CFAP58: variants seen among roughly 807,000 people sequenced by gnomAD.
CFAP58 encodes the protein cilia- and flagella-associated protein 58.
In CFAP58, 88 loss-of-function variants were observed where a neutral mutation model predicts 119.5. That is an observed-to-expected ratio of 0.74 (90% CI 0.62 to 0.88). CFAP58 has a LOEUF of 0.88. CFAP58 is among the 40% of genes least tolerant of loss of function. The pLI is 0.00. For missense variants in CFAP58, 990 were observed against 1,021.2 expected (o/e 0.97, Z 0.42); for synonymous variants, 365 against 366.3 (o/e 1.00, Z 0.04).
intron 2 of CFAP58, among the ~76,000 whole-genome samples, chr10:104,360,441 AGAGCAG>A (rs1230069776): frequency 6.6e-6 from 1 of 151,448 alleles, no homozygotes; most frequent in Non-Finnish European, 1.5e-5. Context: ...CACATGGGCC[AGAGCAG>A]GAGCAAGAGG....
chr10:104,357,890 A>AC (rs1564875816), intron 1 of CFAP58, among the ~76,000 whole-genome samples: 3 of 132,452 alleles, frequency 2.3e-5, no homozygotes, highest in South Asian at 2.3e-4. Context: ...CACATATATA[A>AC]ACATATATGT....
intron 8 of CFAP58, 106 bp from the exon 9 acceptor site, chr10:104,379,922 CA>C: frequency 1.0e-6 from 1 of 974,844 alleles, no homozygotes; most frequent in South Asian, 1.7e-5. Context: ...TTTATTCATC[CA>C]AAAGACAAGA....
chr10:104,377,082 G>A, intron 8 of CFAP58, among the ~76,000 whole-genome samples, 189 bp downstream of exon 8: 1 of 152,196 alleles, frequency 6.6e-6, no homozygotes, highest in South Asian at 2.1e-4. Context: ...AATTGCAATT[G>A]CGTTATCACC....
At chr10:104,362,670 T>C (rs1002512888) in intron 3 of CFAP58, among the ~76,000 whole-genome samples, 1 of 152,230 alleles carries the variant, frequency 6.6e-6, no homozygotes, top group Non-Finnish European at 1.5e-5. Context: ...CCAGTGCTAC[T>C]GCCTTGGTTC....
At chr10:104,348,068 G>T in the CFAP58 span, among the ~76,000 whole-genome samples, 1,686 of 152,258 alleles carry the variant, frequency 0.011, 57 homozygotes, top group African/African-American at 0.039. Flanking sequence ...TGTGGGTCAG[G>T]TCTCCACCTT....
At chr10:104,426,291 C>T (rs2012743671) in intron 15 of CFAP58, among the ~76,000 whole-genome samples, 1 of 152,142 alleles carries the variant, frequency 6.6e-6, no homozygotes, top group Admixed American at 6.6e-5. Flanking sequence ...AATTGAATCC[C>T]TGTGAAGGTC....
chr10:104,405,646 A>C (rs1242694766), intron 14 of CFAP58, among the ~76,000 whole-genome samples: 1 of 152,230 alleles, frequency 6.6e-6, no homozygotes, highest in Non-Finnish European at 1.5e-5. Context: ...GTGGATTGAT[A>C]ATTCCATTTC....
chr10:104,439,704 T>TAACAACAACAACAACAACAACAAC (rs60040374), intron 15 of CFAP58, among the ~76,000 whole-genome samples: 133 of 151,292 alleles, frequency 8.8e-4, no homozygotes, highest in East Asian at 2.9e-3. Flanking sequence ...GACTCTGTCT[T>TAACAACAACAACAACAACAACAAC]AACAACAACA....
intron 11 of CFAP58, among the ~76,000 whole-genome samples, chr10:104,396,369 TGA>T (rs57210958): frequency 6.8e-4 from 59 of 86,834 alleles, no homozygotes; most frequent in East Asian, 2.5e-3. Context: ...CTGTTATCCA[TGA>T]GAGAGAGAGA....
intron 15 of CFAP58, among the ~76,000 whole-genome samples, chr10:104,411,643 A>AT (rs55884742): frequency 0.01 from 1,548 of 151,648 alleles, 7 homozygotes; most frequent in Non-Finnish European, 0.017. Context: ...GCTTAGAATA[A>AT]TTTTTTTTTA....
chr10:104,361,117 A>G (rs2014660502), intron 2 of CFAP58, among the ~76,000 whole-genome samples: 1 of 152,238 alleles, frequency 6.6e-6, no homozygotes, highest in African/African-American at 2.4e-5. Flanking sequence ...AGATTTGGGC[A>G]GGGACATACA....
Position 104,365,943 on chromosome 10 carries a change from C to A in CFAP58, c.727C>A (p.Gln243Lys). 1 of 1,613,398 alleles carries A rather than the reference C, an allele frequency of 6.2e-7. No homozygotes were observed. Among genetic ancestry groups the A allele is most frequent in the Non-Finnish European group, 8.5e-7 (1 of 1,179,666 alleles). The change falls in exon 5 of 18, where the codon CAG (glutamine) becomes AAG (lysine). Residue 243 changes from glutamine to lysine, a missense_variant. Physicochemically the swap from Gln to Lys is moderately conservative, Grantham distance 53. Transcript: ENST00000369704. ...DSRQTEIKAL[Q>K]QYVQKSKEEL... ...CAGGCAGACAGAAATAAAAGCCCTG[C>A]AGCAGTATGTGCAGAAGAGCAAGGA...
intron 15 of CFAP58, among the ~76,000 whole-genome samples, chr10:104,428,132 G>A (rs1349727488): frequency 6.6e-6 from 1 of 152,190 alleles, no homozygotes; most frequent in East Asian, 1.9e-4. Context: ...GTCTGATTTT[G>A]CAATGTAACT....
At chr10:104,387,418 C>T (rs912107182) in intron 9 of CFAP58, among the ~76,000 whole-genome samples, 1 of 152,188 alleles carries the variant, frequency 6.6e-6, no homozygotes, top group Admixed American at 6.6e-5. Context: ...TGTCTCTCTA[C>T]TTGTCTGATA....
At chr10:104,428,178 A>C (rs559301318) in intron 15 of CFAP58, among the ~76,000 whole-genome samples, 7 of 152,264 alleles carry the variant, frequency 4.6e-5, no homozygotes, top group African/African-American at 1.7e-4. Context: ...GGGAGGAGTG[A>C]ACTTCCAGGA....
chr10:104,406,779 G>C lies in CFAP58; in HGVS notation c.2242G>C (p.Glu748Gln), dbSNP rs780765925. Residue 748 changes from glutamate (E) to glutamine (Q), a missense_variant, in exon 15 of 18, where the codon GAG (glutamate) becomes CAG (glutamine). By Grantham distance (29) the Glu-to-Gln change is conservative (BLOSUM62 2). Transcript: ENST00000369704. ...CAAGACTGAAGAGGTGGTTGAAAAA[G>C]AGCTGCTCCTCCAGGTAGCATTTTT... ...ISKTEEVVEK[E>Q]LLLQEKEKLY... The C allele has an allele frequency of 1.2e-6, 2 of 1,614,118 alleles. No homozygotes were observed. The highest frequency in any genetic ancestry group is 1.7e-6 in the Non-Finnish European group (2 of 1,179,984).
chr10:104,401,241 T>G (rs1381071230), intron 13 of CFAP58, among the ~76,000 whole-genome samples: 1 of 152,214 alleles, frequency 6.6e-6, no homozygotes, highest in Non-Finnish European at 1.5e-5. Context: ...TTTCTTGAAT[T>G]TCTTTAATAA....
intron 16 of CFAP58, among the ~76,000 whole-genome samples, chr10:104,449,166 T>G (rs567791948): frequency 3.0e-4 from 45 of 152,134 alleles, no homozygotes; most frequent in South Asian, 1.5e-3. Context: ...GACAGGTTTT[T>G]TTTTTTTTTT....
intron 15 of CFAP58, among the ~76,000 whole-genome samples, chr10:104,415,258 G>C (rs1050089137): frequency 3.9e-5 from 6 of 152,122 alleles, no homozygotes; most frequent in Non-Finnish European, 7.3e-5. Flanking sequence ...TGGAGTCGGG[G>C]AGCAGGAAAG....
Sources: allele counts gnomAD v4.1 joint callset (sites outside exome capture counted in the v4.1 genomes callset), GRCh38; gene constraint gnomAD v4.1.1; transcripts MANE v1.5; gene names NCBI Gene and HGNC (gene_info 2026-07-23, HGNC 2026-07-21).